The following POLQ variants were observed in gnomAD, a reference collection of about 807,000 sequenced individuals.
The protein encoded by POLQ is epididymis secretory sperm binding protein.
In POLQ, 233 loss-of-function variants were observed where a neutral mutation model predicts 259.2. The observed-to-expected ratio is 0.90, with a 90% confidence interval of 0.81 to 1.00. POLQ has a LOEUF of 1.00. Ranked by LOEUF, POLQ falls within the 50% of genes least tolerant of loss-of-function variation. The pLI is 0.00. For missense variants in POLQ, 2,871 were observed against 3,051.6 expected (o/e 0.94, Z 1.39); for synonymous variants, 1,025 against 1,048.8 (o/e 0.98, Z 0.44).
At chr3:121,473,923 C>A (rs919736170) in intron 20 of POLQ, among the ~76,000 whole-genome samples, 1 of 151,972 alleles carries the variant, frequency 6.6e-6, no homozygotes, top group Admixed American at 6.6e-5. Context: ...GACAGGATTT[C>A]GCCATGTTGG....
rs763924952 is a variant in POLQ, at chr3:121,487,888, A to G, written c.5043T>C (p.Val1681=). The G allele has an allele frequency of 3.7e-6, 6 of 1,609,444 alleles. No homozygotes were observed. The highest frequency in any genetic ancestry group is 5.1e-6 in the Non-Finnish European group (6 of 1,178,086). The part of the protein sequence containing the change: ...KNTELNEEQE[V]ISNLETKQVQ... Reference sequence around the variant, plus strand: ...CTTGTTTTGTCTCCAAGTTTGAAATAACTTCTTGTTCTTCATTTAACTCTG... The same window carrying G: ...CTTGTTTTGTCTCCAAGTTTGAAATGACTTCTTGTTCTTCATTTAACTCTG... The change falls in exon 16 of 30, where the codon GTT becomes GTC. Residue 1681 remains valine (V), a synonymous_variant. Coordinates refer to ENST00000264233, the MANE Select transcript of POLQ (RefSeq NM_199420.4).
At chr3:121,502,965 G>GA (rs1033456109) in intron 12 of POLQ, among the ~76,000 whole-genome samples, 2 of 151,892 alleles carry the variant, frequency 1.3e-5, no homozygotes, top group African/African-American at 4.8e-5. Flanking sequence ...AAAATATAGA[G>GA]AAAAATGTAC....
intron 15 of POLQ, 90 bp downstream of exon 15, chr3:121,493,388 G>T: frequency 2.1e-6 from 2 of 972,246 alleles, no homozygotes; most frequent in South Asian, 2.1e-5. Flanking sequence ...TTATTTAAGA[G>T]AAAAATAACT....
chr3:121,441,820 A>T (rs2047594852), intron 26 of POLQ, among the ~76,000 whole-genome samples: 1 of 152,232 alleles, frequency 6.6e-6, no homozygotes, highest in Non-Finnish European at 1.5e-5. Flanking sequence ...ACTGTTCTCC[A>T]AAGTAGTTTT....
rs369739029 is a variant in POLQ at position 121,510,226 on chromosome 3, C to T, written c.1629G>A (p.Val543=). The change falls in exon 11 of 30, where the codon GTG becomes GTA. Residue 543 remains valine (V), a synonymous_variant. Transcript: ENST00000264233. Reference sequence around the variant, plus strand: ...TATGCATATCTTGTGATGTACTTGCCACTCCACCAACTATTATCTGAAAGA... The same window carrying T: ...TATGCATATCTTGTGATGTACTTGCTACTCCACCAACTATTATCTGAAAGA... The part of the protein sequence containing the change: ...RAILEIIVGG[V]ASTSQDMHTY... The T allele has an allele frequency of 7.4e-6, 12 of 1,611,582 alleles. No homozygotes were observed. The highest frequency in any genetic ancestry group is 1.7e-5 in the Admixed American group (1 of 59,996).
In POLQ at chr3:121,498,627, C is replaced by T. The variant is rs747642530; in HGVS notation, c.2003G>A (p.Arg668Gln). 2.3e-5 allele frequency: 37 copies of T among 1,613,592 alleles called. No homozygotes were observed. The highest frequency in any genetic ancestry group is 3.0e-5 in the Non-Finnish European group (35 of 1,179,654). The change falls in exon 13 of 30, where the codon CGA becomes CAA. Residue 668 changes from arginine to glutamine, a missense_variant. Arg to Gln is a conservative substitution (Grantham distance 43). This residue lies in a region of POLQ where 783 missense variants were observed against 906.2 expected (regional missense o/e 0.86). Transcript: ENST00000264233. The part of the protein sequence containing the change: ...FEDWTTIDWY[R>Q]FFCLWEKLPT... ...CAACTTCTCCCATAAACAGAAAAATCGATACCAATCAATAGTAGTCCAATC... is the reference window on the plus strand; with the variant it reads ...CAACTTCTCCCATAAACAGAAAAATTGATACCAATCAATAGTAGTCCAATC...
chr3:121,491,775 A>G (rs4555467), intron 15 of POLQ, among the ~76,000 whole-genome samples: 95,942 of 151,898 alleles, frequency 0.63, 30,686 homozygotes, highest in East Asian at 0.89. Flanking sequence ...TGGCCAGTTA[A>G]AAGTCTAAAC....
intron 14 of POLQ, chr3:121,494,831 C>G: frequency 1.3e-6 from 2 of 1,573,718 alleles, no homozygotes; most frequent in Admixed American, 3.3e-5. Context: ...CGGCAACGTC[C>G]TGGGTCCTAA....
At chr3:121,503,057 T>G (rs2048184602) in intron 12 of POLQ, among the ~76,000 whole-genome samples, 1 of 152,236 alleles carries the variant, frequency 6.6e-6, no homozygotes, top group Non-Finnish European at 1.5e-5. Flanking sequence ...AGCAGTCCCA[T>G]AAGATTATAA....
intron 14 of POLQ, chr3:121,494,088 C>G: frequency 2.9e-6 from 2 of 685,794 alleles, no homozygotes; most frequent in Non-Finnish European, 5.2e-6. Flanking sequence ...ATGTAAAGGT[C>G]TCTCTCTTCC....
chr3:121,532,726 G>A (rs2048420384), intron 6 of POLQ, among the ~76,000 whole-genome samples: 1 of 152,008 alleles, frequency 6.6e-6, no homozygotes, highest in Non-Finnish European at 1.5e-5. Flanking sequence ...TAGCGACAGG[G>A]TTTCACATGT....
intron 7 of POLQ, among the ~76,000 whole-genome samples, chr3:121,524,334 C>A (rs1334944865): frequency 1.3e-5 from 2 of 152,164 alleles, no homozygotes; most frequent in South Asian, 2.1e-4. Context: ...AGATTTCCAT[C>A]ACTTATCCTC....
At chr3:121,458,796 A>AT (rs2047765464) in intron 25 of POLQ, among the ~76,000 whole-genome samples, 1 of 152,110 alleles carries the variant, frequency 6.6e-6, no homozygotes, top group South Asian at 2.1e-4. Context: ...CATGCCTACG[A>AT]TCCCAGCACT....
chr3:121,505,939 T>A (rs140116482), intron 12 of POLQ, among the ~76,000 whole-genome samples: 74 of 150,818 alleles, frequency 4.9e-4, no homozygotes, highest in Non-Finnish European at 8.7e-4. Flanking sequence ...GGAGAATCGC[T>A]TGAACCCAGG....
rs769480274 is a variant in POLQ, at chr3:121,472,035, C to T, written c.6673G>A (p.Gly2225Arg). Residue 2225 changes from glycine (G) to arginine (R), a missense_variant, in exon 22 of 30, where the codon GGA becomes AGA. By Grantham distance (125) the Gly-to-Arg change is moderately radical. Around this residue, in one of 3 missense-constraint regions of POLQ, gnomAD observed 2,080 missense variants for 2,126.0 expected, o/e 0.98. Transcript: ENST00000264233. ...GATACAGGATAGATTCTTTCCATTC[C>T]AAGAAAAGGATTAAGACACTTTTCC... is the stretch of plus-strand genomic sequence containing the variant. ...QREKCLNPFL[G>R]MERIYPVSQS... 1.1e-5 allele frequency: 17 copies of T among 1,577,442 alleles called. No individual in the cohort carries two copies. The South Asian group carries it at 2.0e-4, about 18-fold the overall frequency.
rs2108800734 is a variant in POLQ, at chr3:121,493,678, C to T, written c.2322G>A (p.Met774Ile). The change falls in exon 15 of 30, where the codon ATG becomes ATA. Residue 774 changes from methionine to isoleucine, a missense_variant. Met to Ile is a conservative substitution (Grantham distance 10, BLOSUM62 1). Transcript: ENST00000264233. ...TCTGAAATTGGGAAAGTAGTAGTTC[C>T]ATGTTGTGCCAGCCCAGACGGTTGG... ...VFSNRLGWHN[M>I]ELLLSQFQKR... The T allele has an allele frequency of 6.2e-7, 1 of 1,613,740 alleles. No homozygotes were observed. Among genetic ancestry groups the T allele is most frequent in the East Asian group, 2.2e-5 (1 of 44,876 alleles).
chr3:121,513,038 G>C (rs891028311), intron 9 of POLQ, among the ~76,000 whole-genome samples: 1 of 152,116 alleles, frequency 6.6e-6, no homozygotes, highest in African/African-American at 2.4e-5. Context: ...ATTATGACTA[G>C]AGAGAATCAT....
In POLQ at chr3:121,537,931, C is replaced by A. The variant is rs193236897; in HGVS notation, c.632-723G>T. Among the ~76,000 whole-genome samples, 48 of 152,220 alleles carry A rather than the reference C, an allele frequency of 3.2e-4. No homozygotes were observed. The East Asian group carries it at 8.7e-3, about 28-fold the overall frequency. ...ATCATATTCCTTATAATGGGCAATT[C>A]TTTTCCAAGATGTTTCAGGTATTAC... On this transcript the variant is annotated intron_variant, in intron 4 of 29. Transcript: ENST00000264233.
chr3:121,459,984 C>A, intron 25 of POLQ, 66 bp downstream of exon 25: 1 of 1,248,300 alleles, frequency 8.0e-7, no homozygotes, highest in Non-Finnish European at 1.2e-6. Context: ...TAATTGAGAC[C>A]ATTTTTAATT....
Sources: gnomAD v4.1 joint callset for allele counts (sites outside exome capture counted in the v4.1 genomes callset) on GRCh38, gnomAD v4.1.1 for gene constraint, gnomAD v4.1.1 regional missense constraint, MANE v1.5 for transcripts, NCBI Gene and HGNC (gene_info 2026-07-23, HGNC 2026-07-21) for gene names.